Variants in DAB1 observed in about 807,000 individuals in gnomAD.
The protein encoded by DAB1 is DAB adaptor protein 1.
In DAB1, 15 loss-of-function variants were observed where a neutral mutation model predicts 64.6. The observed-to-expected ratio is 0.23, with a 90% CI of 0.16 to 0.36. DAB1 has a LOEUF of 0.36. Among genes scored for constraint, DAB1 ranks in the 10% least tolerant of loss-of-function variants. The probability of loss-of-function intolerance (pLI) is 1.00; values close to 1 mark genes in which losing one functional copy is unlikely to be tolerated. For synonymous variants in DAB1, 235 were observed against 251.9 expected (o/e 0.93, Z 0.64); for missense variants, 596 against 706.7 (o/e 0.84, Z 1.78).
chr1:57,971,703 G>A lies in DAB1; in HGVS notation n.388-87541C>T, dbSNP rs139052069. Among the ~76,000 whole-genome samples the A allele has an allele frequency of 1.3e-4, 20 of 152,230 alleles. No homozygotes were observed. The East Asian group carries it at 3.9e-3, about 29-fold the overall frequency. On this transcript the variant is annotated intron_variant and non_coding_transcript_variant, in intron 5 of 20. Transcript: ENST00000485760. ...AAAGGCATATAGTTATTTTGTATCCGGGATCACAAATCAAATGTCTTCAAG... is the reference window on the plus strand; with the variant it reads ...AAAGGCATATAGTTATTTTGTATCCAGGATCACAAATCAAATGTCTTCAAG...
intron 6 of DAB1, among the ~76,000 whole-genome samples, chr1:57,702,805 AG>A (rs1281796466): frequency 1.5e-4 from 23 of 152,292 alleles, no homozygotes; most frequent in African/African-American, 5.5e-4. Context: ...ACAGGGCTAT[AG>A]TAACCAAACA....
intron 3 of DAB1, among the ~76,000 whole-genome samples, chr1:58,410,037 G>A (rs541079806): frequency 2.0e-4 from 30 of 152,144 alleles, no homozygotes; most frequent in African/African-American, 6.7e-4. Flanking sequence ...AAAACCTCTC[G>A]TTTTATTAGA....
intron 4 of DAB1, among the ~76,000 whole-genome samples, chr1:58,304,169 A>T (rs1246591178): frequency 1.3e-5 from 2 of 152,162 alleles, no homozygotes; most frequent in Non-Finnish European, 2.9e-5. Context: ...TTTGATACTC[A>T]GGCACTGTTT....
intron 1 of DAB1, among the ~76,000 whole-genome samples, chr1:57,317,233 G>A (rs1265244986): frequency 6.6e-6 from 1 of 152,174 alleles, no homozygotes; most frequent in East Asian, 1.9e-4. Flanking sequence ...CCTTGAGTGA[G>A]CCTGGAAACA....
At chr1:57,888,816 GCAT>G (rs2101979349), upstream of DAB1, among the ~76,000 whole-genome samples, 1 of 152,236 alleles carries the variant, frequency 6.6e-6, no homozygotes, top group South Asian at 2.1e-4. Flanking sequence ...ATTAATATGT[GCAT>G]CATATTTTAC....
intron 2 of DAB1, among the ~76,000 whole-genome samples, chr1:57,177,195 C>T (rs972193633): frequency 3.9e-5 from 6 of 152,056 alleles, no homozygotes; most frequent in East Asian, 1.9e-4. Flanking sequence ...CTGTGATTTG[C>T]TGCCCTAGAA....
At chr1:58,277,926 G>T (rs189237892) in intron 4 of DAB1, among the ~76,000 whole-genome samples, 45 of 152,310 alleles carry the variant, frequency 3.0e-4, no homozygotes, top group African/African-American at 8.9e-4. Flanking sequence ...CACCTGGATT[G>T]TAATCTGCTT....
chr1:57,948,837 A>C (rs1221363884), intron 5 of DAB1, among the ~76,000 whole-genome samples: 1 of 152,204 alleles, frequency 6.6e-6, no homozygotes, highest in East Asian at 1.9e-4. Context: ...CAAGAAATAG[A>C]GCCTTGGGTC....
intron 1 of DAB1, among the ~76,000 whole-genome samples, chr1:57,877,996 C>T (rs377083965): frequency 3.3e-5 from 5 of 152,182 alleles, no homozygotes; most frequent in Admixed American, 6.5e-5. Context: ...AATATCTTAA[C>T]GCACTGTCTT....
chr1:58,521,833 A>T (rs1016202415), intron 2 of DAB1, among the ~76,000 whole-genome samples: 17 of 152,166 alleles, frequency 1.1e-4, no homozygotes, highest in Non-Finnish European at 4.4e-5. Context: ...CCAAACGTTT[A>T]AAAAATAAAT....
At chr1:58,321,144 A>G (rs1364382778) in intron 4 of DAB1, among the ~76,000 whole-genome samples, 2 of 152,192 alleles carry the variant, frequency 1.3e-5, no homozygotes, top group South Asian at 2.1e-4. Flanking sequence ...CAGAGCCTCC[A>G]TTAACTATGG....
At chr1:58,058,772 A>C (rs938748647) in intron 5 of DAB1, among the ~76,000 whole-genome samples, 1 of 152,204 alleles carries the variant, frequency 6.6e-6, no homozygotes, top group African/African-American at 2.4e-5. Context: ...AAGTAAAATA[A>C]ATGGAAATTG....
At chr1:57,961,635 T>G (rs1465904623) in intron 5 of DAB1, among the ~76,000 whole-genome samples, 7 of 152,186 alleles carry the variant, frequency 4.6e-5, no homozygotes, top group African/African-American at 1.7e-4. Context: ...AATTCTTTTT[T>G]CTAAAAAGTT....
intron 7 of DAB1, among the ~76,000 whole-genome samples, chr1:57,454,071 T>G (rs1393965678): frequency 6.6e-6 from 1 of 152,172 alleles, no homozygotes; most frequent in Non-Finnish European, 1.5e-5. Flanking sequence ...ATTGCAAACC[T>G]GTAGCTAAGG....
At chr1:57,565,589 C>A (rs953689734) in intron 7 of DAB1, among the ~76,000 whole-genome samples, 4 of 151,942 alleles carry the variant, frequency 2.6e-5, no homozygotes, top group Non-Finnish European at 5.9e-5. Flanking sequence ...ATCTACCAAG[C>A]AAATGGAAAA....
At chr1:57,763,825 G>A (rs1195646394) in intron 6 of DAB1, among the ~76,000 whole-genome samples, 1 of 152,150 alleles carries the variant, frequency 6.6e-6, no homozygotes, top group East Asian at 1.9e-4. Flanking sequence ...TTTCATTCTT[G>A]ATAGTGTGTT....
In DAB1 at chr1:57,892,033, C is replaced by T. The variant is rs138939082; in HGVS notation, n.388-7871G>A. ...CAAAATACATATGCCCTTGCAACTGCATTCTCAATCCTTAGCGTTTTTCTA... is the reference window on the plus strand; with the variant it reads ...CAAAATACATATGCCCTTGCAACTGTATTCTCAATCCTTAGCGTTTTTCTA... On this transcript the variant is annotated intron_variant and non_coding_transcript_variant, in intron 5 of 20. Coordinates refer to the DAB1 transcript ENST00000485760. Among the ~76,000 whole-genome samples, 5 of 152,296 alleles carry T rather than the reference C, an allele frequency of 3.3e-5. No homozygotes were observed. In the East Asian group the frequency reaches 9.6e-4, roughly 29 times the overall value.
intron 5 of DAB1, among the ~76,000 whole-genome samples, chr1:57,917,928 C>T (rs1264160799): frequency 6.6e-6 from 1 of 152,016 alleles, no homozygotes; most frequent in African/African-American, 2.4e-5. Context: ...CCTAGCCAGG[C>T]ATGGTGGTGG....
chr1:57,217,964 A>G (rs12060287), intron 2 of DAB1, among the ~76,000 whole-genome samples: 13,586 of 152,140 alleles, frequency 0.089, 1,338 homozygotes, highest in African/African-American at 0.25. Context: ...ACTAGGTCCC[A>G]AGGAAAAAAA....
Sources: gnomAD v4.1 joint callset for allele counts (sites outside exome capture counted in the v4.1 genomes callset) on GRCh38, gnomAD v4.1.1 for gene constraint, MANE v1.5 for transcripts, NCBI Gene and HGNC (gene_info 2026-07-23, HGNC 2026-07-21) for gene names.